Variants in BCAS4 observed in about 807,000 individuals in gnomAD.
The protein encoded by BCAS4 is breast carcinoma-amplified sequence 4.
A neutral mutation model predicts 15.7 loss-of-function variants in BCAS4; 9 were observed. The ratio of observed to expected loss-of-function variants is 0.57; its 90% confidence interval spans 0.34 to 1.00. The LOEUF is 1.00. BCAS4 is among the 50% of genes least tolerant of loss of function. The probability of loss-of-function intolerance (pLI) is 0.02; values close to 1 mark genes in which losing one functional copy is unlikely to be tolerated. For synonymous variants in BCAS4, 101 were observed against 99.5 expected, an observed-to-expected ratio of 1.02 and a Z score of -0.09; for missense variants, 225 against 239.1, an observed-to-expected ratio of 0.94 and a Z score of 0.39.
At chr20:50,833,303 A>G (rs2088366021) in intron 3 of BCAS4, among the ~76,000 whole-genome samples, 1 of 152,206 alleles carries the variant, frequency 6.6e-6, no homozygotes, top group Non-Finnish European at 1.5e-5. Context: ...TTGCCATCCA[A>G]GGTCAGGACT....
chr20:50,879,823 GCT>G (rs1182366341), downstream of BCAS4: 1 of 152,654 alleles, frequency 6.6e-6, no homozygotes, highest in East Asian at 1.9e-4. Flanking sequence ...CTTTTCACTT[GCT>G]CTCTCTGAGT....
chr20:50,848,985 T>C (rs1277902344), intron 4 of BCAS4, among the ~76,000 whole-genome samples: 3 of 152,262 alleles, frequency 2.0e-5, no homozygotes, highest in African/African-American at 4.8e-5. Flanking sequence ...GTTTCAGGCA[T>C]GTGCGGAAGT....
chr20:50,841,721 C>T, intron 3 of BCAS4, 45 bp from the exon 4 acceptor site: 1 of 1,613,174 alleles, frequency 6.2e-7, no homozygotes, highest in East Asian at 2.2e-5. Context: ...GGAATGGGCT[C>T]CAGCCTGCAC....
chr20:50,798,945 G>A (rs893198406), intron 1 of BCAS4, among the ~76,000 whole-genome samples: 1 of 152,182 alleles, frequency 6.6e-6, no homozygotes, highest in Non-Finnish European at 1.5e-5. Context: ...TGGATGGACC[G>A]TAATTTATGA....
chr20:50,846,009 C>T lies in BCAS4; in HGVS notation c.399+4109C>T, dbSNP rs577490340. Among the ~76,000 whole-genome samples, 325 of 152,328 alleles carry T rather than the reference C, an allele frequency of 2.1e-3. 1 individual carries two copies. Among genetic ancestry groups the T allele is most frequent in the African/African-American group, 7.4e-3 (307 of 41,568 alleles). On this transcript the variant is annotated intron_variant, in intron 4 of 4. Coordinates refer to ENST00000371608, the MANE Select transcript of BCAS4 (RefSeq NM_198799.4). ...TAGCGATCCCCCTCAGCCAGCTTTCCGACTGGATCCTGGCCTCTCAGCCCT... is the reference window on the plus strand; with the variant it reads ...TAGCGATCCCCCTCAGCCAGCTTTCTGACTGGATCCTGGCCTCTCAGCCCT...
chr20:50,840,682 GTC>G, intron 3 of BCAS4: 1 of 1,613,098 alleles, frequency 6.2e-7, no homozygotes, highest in East Asian at 2.2e-5. Flanking sequence ...TTTCTCTTGC[GTC>G]TCTGTCTTCT....
intron 4 of BCAS4, among the ~76,000 whole-genome samples, chr20:50,867,146 T>G (rs1842527585): frequency 6.6e-6 from 1 of 152,212 alleles, no homozygotes; most frequent in Admixed American, 6.5e-5. Context: ...CTGTGTGCAT[T>G]GTCACAGCTA....
intron 4 of BCAS4, among the ~76,000 whole-genome samples, chr20:50,864,603 T>C (rs1979264227): frequency 6.6e-6 from 1 of 151,768 alleles, no homozygotes; most frequent in South Asian, 2.1e-4. Context: ...CATACCTGGC[T>C]AAATTTTTTT....
intron 4 of BCAS4, among the ~76,000 whole-genome samples, chr20:50,865,718 G>A (rs540442695): frequency 2.0e-5 from 3 of 152,298 alleles, no homozygotes; most frequent in South Asian, 2.1e-4. Context: ...TCACTGGGCC[G>A]GCAGAGGCTG....
At chr20:50,839,959 T>C (rs1026693561) in intron 3 of BCAS4, among the ~76,000 whole-genome samples, 6 of 152,210 alleles carry the variant, frequency 3.9e-5, no homozygotes, top group African/African-American at 1.4e-4. Context: ...ACTGCAGCCT[T>C]GAACTCCTGG....
At chr20:50,843,289 G>A (rs17790859) in intron 4 of BCAS4, among the ~76,000 whole-genome samples, 9,970 of 152,180 alleles carry the variant, frequency 0.066, 339 homozygotes, top group Admixed American at 0.12. Flanking sequence ...CAGGCTCTGC[G>A]TTAGGCATTT....
chr20:50,795,931 CAG>C (rs1174732345), intron 1 of BCAS4, among the ~76,000 whole-genome samples: 3 of 152,192 alleles, frequency 2.0e-5, no homozygotes, highest in Non-Finnish European at 4.4e-5. Flanking sequence ...TCTGCCTAGG[CAG>C]AGTATTGGCT....
intron 4 of BCAS4, among the ~76,000 whole-genome samples, chr20:50,864,479 C>T (rs755175188): frequency 2.0e-5 from 3 of 149,332 alleles, no homozygotes; most frequent in East Asian, 2.0e-4. Context: ...CTCTTTGTCA[C>T]CCAGGCTGGA....
At chr20:50,821,634 T>C (rs1295388099) in intron 2 of BCAS4, among the ~76,000 whole-genome samples, 1 of 152,228 alleles carries the variant, frequency 6.6e-6, no homozygotes, top group Non-Finnish European at 1.5e-5. Flanking sequence ...CCCAGGTCCC[T>C]GCCTCGGTCT....
chr20:50,833,665 T>A (rs1004902449), intron 3 of BCAS4, among the ~76,000 whole-genome samples: 8 of 152,360 alleles, frequency 5.3e-5, no homozygotes, highest in African/African-American at 1.9e-4. Context: ...CAGAAAATTC[T>A]GAGCCTCATT....
At chr20:50,832,076 C>T (rs368930873) in intron 3 of BCAS4, among the ~76,000 whole-genome samples, 60 of 152,278 alleles carry the variant, frequency 3.9e-4, no homozygotes, top group Middle Eastern at 6.8e-3. Context: ...TCTGAGCATT[C>T]AGTCCACTGA....
At chr20:50,861,206 G>A (rs1420374870) in intron 4 of BCAS4, among the ~76,000 whole-genome samples, 1 of 152,190 alleles carries the variant, frequency 6.6e-6, no homozygotes, top group Non-Finnish European at 1.5e-5. Context: ...TCTCCTGTGC[G>A]GCAGATGCTG....
chr20:50,829,432 G>A (rs995317623), intron 2 of BCAS4, among the ~76,000 whole-genome samples: 2 of 151,876 alleles, frequency 1.3e-5, no homozygotes, highest in African/African-American at 2.4e-5. Context: ...TAGTAGAGAC[G>A]GGGTTTCACC....
In BCAS4 at chr20:50,795,291, C is replaced by T. The variant is rs1195205581; in HGVS notation, c.90+118C>T. 2.4e-5 allele frequency: 23 copies of T among 969,546 alleles called. No homozygotes were observed. In the Middle Eastern group the frequency reaches 1.5e-3, roughly 61 times the overall value. 60.1% of individuals were successfully genotyped at this position (969,546 alleles called of 1,614,324 possible). On this transcript the variant is annotated intron_variant, in intron 1 of 4. Coordinates refer to ENST00000371608, the MANE Select transcript of BCAS4 (RefSeq NM_198799.4). Reference sequence around the variant, plus strand: ...TCCCGGAGTGGGGGGCCCGGGGATTCCCCCCTTCCTGAAGGGTGGCTGCGG... The same window carrying T: ...TCCCGGAGTGGGGGGCCCGGGGATTTCCCCCTTCCTGAAGGGTGGCTGCGG...
Sources: allele counts gnomAD v4.1 joint callset (sites outside exome capture counted in the v4.1 genomes callset), GRCh38; gene constraint gnomAD v4.1.1; transcripts MANE v1.5; gene names NCBI Gene and HGNC (gene_info 2026-07-23, HGNC 2026-07-21).